ABL1: variants seen among roughly 807,000 people sequenced by gnomAD.
ABL1 encodes ABL proto-oncogene 1, non-receptor tyrosine kinase, also known as tyrosine-protein kinase ABL1.
Under a neutral mutation model 94.7 loss-of-function variants are expected in ABL1, and 11 were observed. That is an observed-to-expected ratio of 0.12 (90% CI 0.07 to 0.19). ABL1 has a LOEUF of 0.19. ABL1 is among the 10% of genes least tolerant of loss of function. The pLI, the probability that ABL1 is intolerant of heterozygous loss-of-function variation, is 1.00. For synonymous variants in ABL1, 656 were observed against 622.4 expected (o/e 1.05, Z -0.80); for missense variants, 1,082 against 1,489.4 (o/e 0.73, Z 4.50).
intron 1 of ABL1, among the ~76,000 whole-genome samples, chr9:130,768,596 G>A (rs891968337): frequency 2.0e-5 from 3 of 152,208 alleles, no homozygotes; most frequent in East Asian, 1.9e-4. Flanking sequence ...AAGAAGAACG[G>A]TAGTAAGTTA....
intron 1 of ABL1, among the ~76,000 whole-genome samples, chr9:130,840,812 C>T (rs2132927210): frequency 6.6e-6 from 1 of 152,212 alleles, no homozygotes; most frequent in African/African-American, 2.4e-5. Context: ...AGCCACTGCA[C>T]CCAGCCTAAA....
At chr9:130,857,381 G>A (rs114740810) in intron 3 of ABL1, among the ~76,000 whole-genome samples, 104 of 152,332 alleles carry the variant, frequency 6.8e-4, no homozygotes, top group African/African-American at 2.5e-3. Flanking sequence ...CACTCTGACT[G>A]GTAAAGAATG....
At chr9:130,839,475 C>G (rs570686212) in intron 1 of ABL1, among the ~76,000 whole-genome samples, 56 of 152,314 alleles carry the variant, frequency 3.7e-4, no homozygotes, top group African/African-American at 1.3e-3. Flanking sequence ...ATTTTGGGTG[C>G]TATTAACATT....
chr9:130,876,553 G>C (rs1831347283), intron 7 of ABL1, among the ~76,000 whole-genome samples: 2 of 151,684 alleles, frequency 1.3e-5, no homozygotes, highest in South Asian at 4.2e-4. Context: ...AAGTAGCTGG[G>C]ATTACAGGTG....
intron 1 of ABL1, among the ~76,000 whole-genome samples, chr9:130,793,891 T>TATA (rs1300778069): frequency 6.6e-6 from 1 of 152,192 alleles, no homozygotes; most frequent in East Asian, 1.9e-4. Context: ...TGAAATCTAT[T>TATA]GTGAACAGTA....
chr9:130,801,236 CTTTCTTTTTTT>C (rs1225412445), intron 1 of ABL1, among the ~76,000 whole-genome samples: 1 of 149,710 alleles, frequency 6.7e-6, no homozygotes, highest in Non-Finnish European at 1.5e-5. Flanking sequence ...GCCCTTTTTC[CTTTCTTTTTTT>C]GAGATAGGAT....
At chr9:130,725,650 G>T (rs1831571494) in intron 1 of ABL1, among the ~76,000 whole-genome samples, 1 of 151,998 alleles carries the variant, frequency 6.6e-6, no homozygotes, top group Non-Finnish European at 1.5e-5. Flanking sequence ...AAAGTGCGGG[G>T]ATTACAGGCA....
At position 130,807,996 on chromosome 9, in the gene ABL1, C is replaced by T. The variant is rs1343180229; in HGVS notation, c.137-46068C>T. ...TTACAGGCGTGAGCCACTGTGCCTG[C>T]CCTCCCTTAATTATAATTTAAAAAA... On this transcript the variant is annotated intron_variant, in intron 1 of 10. Coordinates refer to the ABL1 transcript ENST00000372348. 2.7e-5 allele frequency among the ~76,000 whole-genome samples: 4 copies of T among 150,696 alleles called. 1 individual carries two copies. Among genetic ancestry groups the T allele is most frequent in the Admixed American group, 2.6e-4 (4 of 15,144 alleles).
intron 1 of ABL1, among the ~76,000 whole-genome samples, chr9:130,786,354 G>T (rs564305215): frequency 2.0e-5 from 3 of 152,210 alleles, no homozygotes; most frequent in African/African-American, 7.2e-5. Context: ...GCTCTGGGTG[G>T]CAGGGGAGAC....
intron 1 of ABL1, chr9:130,724,805 A>T (rs984599257): frequency 2.0e-6 from 1 of 492,934 alleles, no homozygotes; most frequent in Non-Finnish European, 4.0e-6. Context: ...GGATGCTGCA[A>T]CAGCTGCCCT....
intron 1 of ABL1, among the ~76,000 whole-genome samples, chr9:130,733,290 TC>T (rs1294303303): frequency 6.6e-6 from 1 of 152,196 alleles, no homozygotes; most frequent in African/African-American, 2.4e-5. Flanking sequence ...AACAAACAAC[TC>T]CCAGATTTGC....
intron 4 of ABL1, among the ~76,000 whole-genome samples, chr9:130,865,535 C>G (rs902433106): frequency 9.2e-5 from 14 of 152,040 alleles, no homozygotes; most frequent in African/African-American, 3.4e-4. Context: ...TTGCTTGAGC[C>G]CAGGAGTTAA....
At chr9:130,817,000 G>C (rs1156440355) in intron 1 of ABL1, among the ~76,000 whole-genome samples, 1 of 152,076 alleles carries the variant, frequency 6.6e-6, no homozygotes, top group Non-Finnish European at 1.5e-5. Context: ...GCCACCGCCT[G>C]GTCTCCCTCA....
At chr9:130,858,596 G>A (rs76912025) in intron 3 of ABL1, among the ~76,000 whole-genome samples, 1 of 152,180 alleles carries the variant, frequency 6.6e-6, no homozygotes, top group Non-Finnish European at 1.5e-5. Flanking sequence ...CGTATCACTG[G>A]AATGAGTGAA....
upstream of ABL1, among the ~76,000 whole-genome samples, chr9:130,832,489 A>G (rs1321802634): frequency 2.6e-5 from 4 of 152,186 alleles, no homozygotes; most frequent in Non-Finnish European, 5.9e-5. Context: ...ACAAAGTTCA[A>G]GACTTTCCTA....
chr9:130,839,687 A>G (rs1368985684), intron 1 of ABL1, among the ~76,000 whole-genome samples: 1 of 152,206 alleles, frequency 6.6e-6, no homozygotes. Context: ...TAAGACAGAG[A>G]GACCAATCTC....
chr9:130,866,139 C>T (rs1468088500), intron 4 of ABL1, among the ~76,000 whole-genome samples: 1 of 152,058 alleles, frequency 6.6e-6, no homozygotes, highest in Non-Finnish European at 1.5e-5. Context: ...GGGACATTCA[C>T]CCTGTATCAA....
chr9:130,802,241 G>A (rs971444694), intron 1 of ABL1, among the ~76,000 whole-genome samples: 1 of 151,726 alleles, frequency 6.6e-6, no homozygotes, highest in African/African-American at 2.4e-5. Flanking sequence ...CCACAGGCAC[G>A]TGCCACCACG....
intron 1 of ABL1, among the ~76,000 whole-genome samples, chr9:130,728,230 A>ATTTTTTTTTTTTT (rs55915035): frequency 0.12 from 12,081 of 101,046 alleles, 1,797 homozygotes; most frequent in African/African-American, 0.31. Flanking sequence ...TGTCCAGCTG[A>ATTTTTTTTTTTTT]TTTTTTTTTT....
Sources: allele counts gnomAD v4.1 joint callset (sites outside exome capture counted in the v4.1 genomes callset), GRCh38; gene constraint gnomAD v4.1.1; transcripts MANE v1.5; gene names NCBI Gene and HGNC (gene_info 2026-07-23, HGNC 2026-07-21).